ARHGAP44: variants seen among roughly 807,000 people sequenced by gnomAD.
ARHGAP44 encodes the protein Rho GTPase activating protein 44.
In ARHGAP44, 43 loss-of-function variants were observed where a neutral mutation model predicts 106.8. The observed-to-expected ratio is 0.40, with a 90% CI of 0.32 to 0.52. The LOEUF is 0.52. Among genes scored for constraint, ARHGAP44 ranks in the 20% least tolerant of loss-of-function variants. The pLI is 0.48. For synonymous variants in ARHGAP44, 439 were observed against 410.3 expected, an observed-to-expected ratio of 1.07 and a Z score of -0.85; for missense variants, 866 against 1,050.5, an observed-to-expected ratio of 0.82 and a Z score of 2.43.
At chr17:12,835,974 G>C (rs943088812) in intron 1 of ARHGAP44, among the ~76,000 whole-genome samples, 2 of 152,144 alleles carry the variant, frequency 1.3e-5, no homozygotes, top group African/African-American at 4.8e-5. Context: ...CATGTGGCAG[G>C]ATTTCCTTCT....
At chr17:12,805,863 T>G (rs1393704875) in intron 1 of ARHGAP44, among the ~76,000 whole-genome samples, 3 of 152,192 alleles carry the variant, frequency 2.0e-5, no homozygotes, top group Non-Finnish European at 2.9e-5. Flanking sequence ...TTCAGCTGGT[T>G]CCATGTTAGG....
intron 1 of ARHGAP44, among the ~76,000 whole-genome samples, chr17:12,798,463 G>T (rs577737462): frequency 6.6e-6 from 1 of 151,808 alleles, no homozygotes; most frequent in African/African-American, 2.4e-5. Context: ...AATTTATTCC[G>T]TATATATTTA....
intron 16 of ARHGAP44, among the ~76,000 whole-genome samples, chr17:12,963,114 A>G (rs11868803): frequency 0.1 from 15,255 of 151,426 alleles, 897 homozygotes; most frequent in South Asian, 0.2. Context: ...TACTCATGAC[A>G]GCAGCCATAG....
chr17:12,910,071 T>C (rs144899109), intron 4 of ARHGAP44, among the ~76,000 whole-genome samples: 58 of 152,268 alleles, frequency 3.8e-4, no homozygotes, highest in Middle Eastern at 6.8e-3. Flanking sequence ...AAACCTAGTA[T>C]TCTATGATAA....
At chr17:12,842,135 T>C (rs1384483074) in intron 1 of ARHGAP44, among the ~76,000 whole-genome samples, 2 of 146,674 alleles carry the variant, frequency 1.4e-5, no homozygotes, top group African/African-American at 5.3e-5. Context: ...GCGACACACC[T>C]GGCCACTGGG....
intron 1 of ARHGAP44, among the ~76,000 whole-genome samples, chr17:12,821,044 A>G (rs188705606): frequency 1.3e-5 from 2 of 152,298 alleles, no homozygotes; most frequent in African/African-American, 2.4e-5. Flanking sequence ...TTAGTTTGGC[A>G]TATGGGAAGA....
chr17:12,971,709 C>T (rs2143311747), intron 16 of ARHGAP44, among the ~76,000 whole-genome samples: 1 of 152,288 alleles, frequency 6.6e-6, no homozygotes, highest in South Asian at 2.1e-4. Flanking sequence ...AGAAGGTTCT[C>T]AGACCCCAGA....
chr17:12,861,644 C>CTTTTTTTTTTTTTTTT (rs71144930), intron 1 of ARHGAP44, among the ~76,000 whole-genome samples: 3,783 of 67,358 alleles, frequency 0.056, 885 homozygotes, highest in South Asian at 0.082. Context: ...TCCTCTTCCA[C>CTTTTTTTTTTTTTTTT]TTTTTTTTTT....
intron 1 of ARHGAP44, among the ~76,000 whole-genome samples, chr17:12,792,177 T>C (rs1276624208): frequency 6.6e-6 from 1 of 152,198 alleles, no homozygotes; most frequent in Non-Finnish European, 1.5e-5. Context: ...TTTTGTTTTT[T>C]GCTTGGCTGA....
At chr17:12,973,909 C>A (rs1382249414) in intron 17 of ARHGAP44, 180 bp from the exon 18 acceptor site, 13 of 697,004 alleles carry the variant, frequency 1.9e-5, no homozygotes, top group Non-Finnish European at 3.2e-5. Flanking sequence ...TGTGTCTTGG[C>A]CGCCGGGAGC....
intron 7 of ARHGAP44, among the ~76,000 whole-genome samples, chr17:12,937,161 C>T (rs1300355635): frequency 6.6e-6 from 1 of 152,108 alleles, no homozygotes; most frequent in African/African-American, 2.4e-5. Context: ...GACAGAATTG[C>T]TAGAGGGGGT....
rs562803183 is a variant in ARHGAP44, at chr17:12,850,101, G to A, written c.54-44839G>A. ...ACTGACATATAAAGACTTGTCAAAG[G>A]ATAGCTCAAGTATACCTAGAAAATG... On this transcript the variant is annotated intron_variant, in intron 1 of 20. Coordinates refer to ENST00000379672, the MANE Select transcript of ARHGAP44 (RefSeq NM_014859.6). Among the ~76,000 whole-genome samples, 4 of 152,244 alleles carry A rather than the reference G, an allele frequency of 2.6e-5. No individual in the cohort carries two copies. In the South Asian group the frequency reaches 8.3e-4, roughly 32 times the overall value.
intron 2 of ARHGAP44, among the ~76,000 whole-genome samples, chr17:12,895,822 A>G (rs2037185169): frequency 6.6e-6 from 1 of 152,170 alleles, no homozygotes; most frequent in Non-Finnish European, 1.5e-5. Context: ...TTGTGGCACT[A>G]TTCACAATAG....
chr17:12,827,557 A>G (rs1385804519), intron 1 of ARHGAP44, among the ~76,000 whole-genome samples: 1 of 152,188 alleles, frequency 6.6e-6, no homozygotes, highest in Non-Finnish European at 1.5e-5. Flanking sequence ...AATATATTCA[A>G]TATAACAATA....
intron 1 of ARHGAP44, among the ~76,000 whole-genome samples, chr17:12,794,604 G>A (rs1416216705): frequency 1.3e-5 from 2 of 152,166 alleles, no homozygotes; most frequent in East Asian, 3.8e-4. Context: ...GGAGAAGGCT[G>A]GTTGGGTCGG....
chr17:12,871,165 T>A (rs952678494), intron 1 of ARHGAP44, among the ~76,000 whole-genome samples: 5 of 152,218 alleles, frequency 3.3e-5, no homozygotes, highest in Admixed American at 3.3e-4. Context: ...TAGTTCCTTG[T>A]GGACCTAAGT....
Position 12,789,852 on chromosome 17 carries a change from T to C in ARHGAP44, c.14T>C (p.Phe5Ser). The change falls in exon 1 of 21, where the codon TTC becomes TCC. Residue 5 changes from phenylalanine (F) to serine (S), a missense_variant. By Grantham distance (155) the Phe-to-Ser change is radical. Transcript: ENST00000379672. ...AGCGGGGCCACGATGAAGAAGCAGTTCAATCGCATGCGCCAGCTGGCCAAC... is the reference window on the plus strand; with the variant it reads ...AGCGGGGCCACGATGAAGAAGCAGTCCAATCGCATGCGCCAGCTGGCCAAC... MKKQ[F>S]NRMRQLANQT... 1 of 1,524,360 alleles carries C rather than the reference T, an allele frequency of 6.6e-7. No individual in the cohort carries two copies. Among genetic ancestry groups the C allele is most frequent in the Non-Finnish European group, 8.8e-7 (1 of 1,138,682 alleles). 94.4% of individuals were successfully genotyped at this position (1,524,360 alleles called of 1,614,324 possible).
intron 1 of ARHGAP44, among the ~76,000 whole-genome samples, chr17:12,803,065 TG>T (rs1409005159): frequency 6.9e-6 from 1 of 145,620 alleles, no homozygotes; most frequent in Admixed American, 6.9e-5. Context: ...CTCTGCCTCC[TG>T]GGTTCAAGCA....
intron 1 of ARHGAP44, among the ~76,000 whole-genome samples, chr17:12,818,351 A>AC (rs934963637): frequency 5.3e-5 from 8 of 151,484 alleles, no homozygotes; most frequent in African/African-American, 1.9e-4. Flanking sequence ...AAAAAAAAAA[A>AC]AACAACCCTA....
Sources: allele counts gnomAD v4.1 joint callset (sites outside exome capture counted in the v4.1 genomes callset), GRCh38; gene constraint gnomAD v4.1.1; transcripts MANE v1.5; gene names NCBI Gene and HGNC (gene_info 2026-07-23, HGNC 2026-07-21).